NAXD: variants seen among roughly 807,000 people sequenced by gnomAD.
The protein encoded by NAXD is NAD(P)HX dehydratase.
In NAXD, 22 loss-of-function variants were observed where a neutral mutation model predicts 35.8. The observed-to-expected ratio is 0.62, with a 90% CI of 0.44 to 0.88. The LOEUF (loss-of-function observed/expected upper bound fraction) is 0.88. Among genes scored for constraint, NAXD ranks in the 40% least tolerant of loss-of-function variants. The pLI is 0.00. For synonymous variants in NAXD, 189 were observed against 177.6 expected (o/e 1.06, Z -0.51); for missense variants, 428 against 437.7 (o/e 0.98, Z 0.20).
upstream of NAXD, chr13:110,615,489 G>T: frequency 1.0e-6 from 1 of 992,040 alleles, no homozygotes; most frequent in Non-Finnish European, 1.4e-6. Flanking sequence ...TGAGCGAGTT[G>T]GGATCCCACT....
At position 110,638,347 on chromosome 13, in the gene NAXD, C is replaced by G; in HGVS notation, c.840-31C>G. On this transcript the variant is annotated intron_variant, in intron 9 of 9. Transcript: ENST00000680254. This position sits in a 1 kb window ranked among gnomAD's most constrained non-coding sequence, Gnocchi z 5.4. ...GCCCCCGGACCACGACGCCCACTTC[C>G]CCACACCTCCTGCTGTCCCCCTCTC... The G allele has an allele frequency of 6.2e-7, 1 of 1,613,956 alleles. No individual in the cohort carries two copies. The highest frequency in any genetic ancestry group is 8.5e-7 in the Non-Finnish European group (1 of 1,179,996).
At chr13:110,625,587 T>A (rs1886440706) in intron 4 of NAXD, among the ~76,000 whole-genome samples, 1 of 152,206 alleles carries the variant, frequency 6.6e-6, no homozygotes. Flanking sequence ...GAAGGGCCTC[T>A]GAGCAATAAC....
At chr13:110,637,285 C>A in intron 9 of NAXD, 36 bp downstream of exon 9, 2 of 1,612,408 alleles carry the variant, frequency 1.2e-6, no homozygotes, top group Non-Finnish European at 1.7e-6. Context: ...ACTTTGAAAC[C>A]GTCTGATTTT....
intron 8 of NAXD, 97 bp downstream of exon 8, chr13:110,635,685 C>A: frequency 7.4e-7 from 1 of 1,352,350 alleles, no homozygotes; most frequent in East Asian, 2.3e-5. Context: ...CGTGCACACC[C>A]GTGTTCACAC....
intron 9 of NAXD, among the ~76,000 whole-genome samples, 199 bp downstream of exon 9, chr13:110,637,448 C>CT (rs1407482878): frequency 6.6e-6 from 1 of 152,166 alleles, no homozygotes; most frequent in Non-Finnish European, 1.5e-5. Flanking sequence ...CCATCATTCA[C>CT]TGTGGATGGG....
rs1886571247 is a variant in NAXD, at chr13:110,628,269, C to T, written c.441+722C>T. 6.6e-6 allele frequency among the ~76,000 whole-genome samples: 1 copy of T among 152,154 alleles called. No individual in the cohort carries two copies. Among genetic ancestry groups the T allele is most frequent in the African/African-American group, 2.4e-5 (1 of 41,424 alleles). ...TCCTGTGGGGCTGCCCTCTGAGACC[C>T]TTTCTCAAGTTCCGGGGGACCCCTG... On this transcript the variant is annotated intron_variant, in intron 5 of 9. Coordinates refer to ENST00000680254, the MANE Select transcript of NAXD (RefSeq NM_001242882.2). The surrounding 1 kb of genome is among the most constrained non-coding windows in gnomAD (Gnocchi z 4.1).
At chr13:110,626,367 C>T (rs1886483628) in intron 4 of NAXD, among the ~76,000 whole-genome samples, 1 of 152,124 alleles carries the variant, frequency 6.6e-6, no homozygotes, top group South Asian at 2.1e-4. Context: ...CGAGTGGTCA[C>T]TCCATGTGGT....
At chr13:110,624,002 C>CAA (rs58510281) in intron 2 of NAXD, among the ~76,000 whole-genome samples, 8 of 103,216 alleles carry the variant, frequency 7.8e-5, no homozygotes, top group African/African-American at 1.7e-4. Context: ...AACTCTGTCT[C>CAA]AAAAAAAAAA....
chr13:110,632,077 G>A (rs1001543000), intron 5 of NAXD, among the ~76,000 whole-genome samples: 5 of 139,286 alleles, frequency 3.6e-5, no homozygotes, highest in African/African-American at 1.3e-4. Context: ...CGCGGTGAGT[G>A]TTACAGCTCT....
intron 4 of NAXD, among the ~76,000 whole-genome samples, chr13:110,625,754 C>T (rs527457598): frequency 3.3e-5 from 5 of 152,332 alleles, no homozygotes; most frequent in South Asian, 2.1e-4. Flanking sequence ...TTCTCTCTGC[C>T]GTCCAGGATT....
Position 110,624,383 on chromosome 13 carries a change from C to T in NAXD, c.243+104C>T, listed in dbSNP as rs1462222267. On this transcript the variant is annotated intron_variant, in intron 3 of 9. Coordinates refer to ENST00000680254, the MANE Select transcript of NAXD (RefSeq NM_001242882.2). ...TTTCTGATAGAAATCTAAATAATAT[C>T]TTAGGGTAATCATAGCTAATAGAAA... 14 of 572,030 alleles carry T rather than the reference C, an allele frequency of 2.4e-5. No individual in the cohort carries two copies. In the East Asian group the frequency reaches 4.1e-4, roughly 17 times the overall value. 35.4% of individuals were successfully genotyped at this position (572,030 alleles called of 1,614,324 possible). A position where few individuals can be genotyped will look rare whatever the true frequency, so the allele number is the denominator to read the frequency against.
chr13:110,631,333 A>G (rs1594179612), intron 5 of NAXD, among the ~76,000 whole-genome samples: 1 of 152,246 alleles, frequency 6.6e-6, no homozygotes, highest in East Asian at 1.9e-4. Flanking sequence ...CTTTTTCTTC[A>G]TGTTAACATC....
chr13:110,636,977 G>A, intron 8 of NAXD, 152 bp from the exon 9 acceptor site: 1 of 849,290 alleles, frequency 1.2e-6, no homozygotes, highest in Non-Finnish European at 1.7e-6. Flanking sequence ...AACAAACAGG[G>A]AAGAGCCGTA....
At chr13:110,629,870 A>C (rs1392433857) in intron 5 of NAXD, among the ~76,000 whole-genome samples, 1 of 152,132 alleles carries the variant, frequency 6.6e-6, no homozygotes, top group Admixed American at 6.5e-5. Flanking sequence ...GATTCTCCAC[A>C]TCGTTCCCAG....
intron 5 of NAXD, among the ~76,000 whole-genome samples, chr13:110,630,471 G>T (rs150418471): frequency 6.6e-6 from 1 of 152,086 alleles, no homozygotes; most frequent in African/African-American, 2.4e-5. Flanking sequence ...ACGATTTGCC[G>T]ATATCCTCTC....
At chr13:110,618,893 G>A (rs1379671003) in intron 1 of NAXD, among the ~76,000 whole-genome samples, 1 of 152,256 alleles carries the variant, frequency 6.6e-6, no homozygotes, top group Non-Finnish European at 1.5e-5. Context: ...TCAGCAGAGT[G>A]TGACGCAGAA....
chr13:110,622,925 C>A (rs1472806100), intron 2 of NAXD, among the ~76,000 whole-genome samples: 1 of 152,044 alleles, frequency 6.6e-6, no homozygotes, highest in East Asian at 1.9e-4. Context: ...CTCTCTTTGC[C>A]CATCCCTCCA....
At chr13:110,627,394 T>G in intron 4 of NAXD, 45 bp from the exon 5 acceptor site, 9 of 1,223,358 alleles carry the variant, frequency 7.4e-6, no homozygotes, top group Non-Finnish European at 1.1e-5. Context: ...AGTAAGTAAA[T>G]GAGGAATTGT....
Position 110,635,501 on chromosome 13 carries a change from G to A in NAXD, c.631G>A (p.Gly211Arg), listed in dbSNP as rs1462228215. Residue 211 changes from glycine to arginine, a missense_variant, in exon 8 of 10, where the codon GGA (glycine) becomes AGA (arginine). By Grantham distance (125) the Gly-to-Arg change is moderately radical (BLOSUM62 -2). Coordinates refer to ENST00000680254, the MANE Select transcript of NAXD (RefSeq NM_001242882.2). ...CCCTATGGACAGCGATGACAGCCAT[G>A]GATCTGTGCTAAGACTCAGCCAAGC... The part of the protein sequence containing the change: ...RGPMDSDDSH[G>R]SVLRLSQALG... 6.2e-7 allele frequency: 1 copy of A among 1,614,158 alleles called. No individual in the cohort carries two copies. The highest frequency in any genetic ancestry group is 2.2e-5 in the East Asian group (1 of 44,884).
Sources: allele counts gnomAD v4.1 joint callset (sites outside exome capture counted in the v4.1 genomes callset), GRCh38; gene constraint gnomAD v4.1.1; non-coding constraint Gnocchi (gnomAD v3.1); transcripts MANE v1.5; gene names NCBI Gene and HGNC (gene_info 2026-07-23, HGNC 2026-07-21).